Variants in UGGT2 observed in about 807,000 individuals in gnomAD.
UGGT2 encodes the protein UDP-glucose:glycoprotein glucosyltransferase 2.
UGGT2 carries 180 observed loss-of-function variants against 192.1 expected under a neutral mutation model. The observed-to-expected ratio is 0.94, with a 90% CI of 0.83 to 1.06. The LOEUF (loss-of-function observed/expected upper bound fraction) is 1.06. Ranked by LOEUF, UGGT2 falls within the 50% of genes least tolerant of loss-of-function variation. The pLI, the probability that UGGT2 is intolerant of heterozygous loss-of-function variation, is 0.00. For synonymous variants in UGGT2, 580 were observed against 591.0 expected, an observed-to-expected ratio of 0.98 and a Z score of 0.27; for missense variants, 1,849 against 1,795.7, an observed-to-expected ratio of 1.03 and a Z score of -0.54.
At chr13:95,931,809 C>T (rs1262437951) in intron 17 of UGGT2, among the ~76,000 whole-genome samples, 12 of 152,114 alleles carry the variant, frequency 7.9e-5, no homozygotes, top group South Asian at 6.2e-4. Context: ...GGTTCCCGCC[C>T]GCGCCTCTCC....
At chr13:95,845,284 G>C (rs1300766669) in intron 36 of UGGT2, among the ~76,000 whole-genome samples, 1 of 150,750 alleles carries the variant, frequency 6.6e-6, no homozygotes, top group East Asian at 2.0e-4. Context: ...ATAAACTTGT[G>C]AACAAAGGTC....
chr13:95,907,232 G>C (rs1458265074), intron 20 of UGGT2, among the ~76,000 whole-genome samples: 1 of 152,246 alleles, frequency 6.6e-6, no homozygotes, highest in Non-Finnish European at 1.5e-5. Context: ...GCTGAGGCTT[G>C]AGTACGTAAA....
intron 38 of UGGT2, among the ~76,000 whole-genome samples, chr13:95,806,050 A>AAAC (rs1340799672): frequency 6.6e-6 from 1 of 151,424 alleles, no homozygotes; most frequent in African/African-American, 2.4e-5. Context: ...AAAAAAAAAA[A>AAAC]AACACACAGT....
chr13:95,830,243 C>A (rs537565744), intron 38 of UGGT2, among the ~76,000 whole-genome samples: 1 of 152,230 alleles, frequency 6.6e-6, no homozygotes, highest in South Asian at 2.1e-4. Flanking sequence ...GACTAAAACA[C>A]CAAAAGCAAT....
At chr13:96,015,334 G>T (rs909019927) in intron 4 of UGGT2, among the ~76,000 whole-genome samples, 3 of 150,966 alleles carry the variant, frequency 2.0e-5, no homozygotes, top group Non-Finnish European at 4.4e-5. Context: ...TATGCTAGGA[G>T]ATAAATATTG....
At chr13:96,053,022 T>TCA (rs1361036645) in intron 1 of UGGT2, 133 bp downstream of exon 1, 7 of 1,243,290 alleles carry the variant, frequency 5.6e-6, no homozygotes, top group Non-Finnish European at 7.3e-6. Flanking sequence ...GAGGTGGTGA[T>TCA]GCTCAGGGCC....
At chr13:95,875,570 T>C (rs538203770) in intron 29 of UGGT2, among the ~76,000 whole-genome samples, 1 of 152,338 alleles carries the variant, frequency 6.6e-6, no homozygotes, top group South Asian at 2.1e-4. Flanking sequence ...AAAACACATA[T>C]GGCCCTAAGA....
intron 20 of UGGT2, among the ~76,000 whole-genome samples, chr13:95,915,423 A>C (rs979452798): frequency 6.6e-6 from 1 of 152,224 alleles, no homozygotes; most frequent in Non-Finnish European, 1.5e-5. Flanking sequence ...ACCCCTGCTA[A>C]AATTTAACCT....
At chr13:95,992,320 T>G (rs528611847) in intron 7 of UGGT2, among the ~76,000 whole-genome samples, 1 of 152,222 alleles carries the variant, frequency 6.6e-6, no homozygotes, top group African/African-American at 2.4e-5. Context: ...TTCCAATCCA[T>G]GAGCATGGAA....
chr13:95,810,921 AAC>A (rs923100792), intron 38 of UGGT2, among the ~76,000 whole-genome samples: 1 of 152,198 alleles, frequency 6.6e-6, no homozygotes, highest in Non-Finnish European at 1.5e-5. Flanking sequence ...ACAAAAAGAA[AAC>A]ACAATTCAAA....
intron 10 of UGGT2, among the ~76,000 whole-genome samples, chr13:95,976,459 T>C: frequency 6.6e-6 from 1 of 152,170 alleles, no homozygotes; most frequent in Non-Finnish European, 1.5e-5. Flanking sequence ...CTGGATCATA[T>C]GGTAATTCTA....
intron 36 of UGGT2, among the ~76,000 whole-genome samples, chr13:95,843,897 T>C (rs918180553): frequency 1.3e-5 from 2 of 152,130 alleles, no homozygotes; most frequent in African/African-American, 4.8e-5. Flanking sequence ...AACAAGGTGG[T>C]ATAAGTCCTT....
At chr13:95,957,357 C>T (rs1050209553) in intron 12 of UGGT2, among the ~76,000 whole-genome samples, 7 of 152,162 alleles carry the variant, frequency 4.6e-5, no homozygotes, top group Non-Finnish European at 8.8e-5. Context: ...GTGACAATCT[C>T]GTGGGAACAC....
At chr13:95,824,829 T>G (rs994563726) in intron 38 of UGGT2, among the ~76,000 whole-genome samples, 2 of 152,186 alleles carry the variant, frequency 1.3e-5, no homozygotes, top group East Asian at 1.9e-4. Flanking sequence ...TGATCTTTTT[T>G]GGGGGTGTTA....
At chr13:95,870,683 T>C (rs887566588) in intron 29 of UGGT2, among the ~76,000 whole-genome samples, 3 of 152,188 alleles carry the variant, frequency 2.0e-5, no homozygotes, top group African/African-American at 7.2e-5. Context: ...CCCAATACGA[T>C]GTAAAAGCAT....
At chr13:95,900,512 T>C (rs138290278) in intron 22 of UGGT2, among the ~76,000 whole-genome samples, 121 of 152,302 alleles carry the variant, frequency 7.9e-4, no homozygotes, top group African/African-American at 2.8e-3. Flanking sequence ...GTTTTGAAGA[T>C]GTGCATTAAG....
chr13:95,950,276 C>T (rs1055632618), intron 12 of UGGT2, among the ~76,000 whole-genome samples: 3 of 152,022 alleles, frequency 2.0e-5, no homozygotes, highest in Non-Finnish European at 4.4e-5. Flanking sequence ...GAAAGAGAAA[C>T]GGAGAGGTTG....
Position 95,853,601 on chromosome 13 carries a change from A to G in UGGT2, c.4226T>C (p.Leu1409Pro). 6.2e-7 allele frequency: 1 copy of G among 1,605,416 alleles called. No individual in the cohort carries two copies. The highest frequency in any genetic ancestry group is 8.5e-7 in the Non-Finnish European group (1 of 1,177,584). The change falls in exon 36 of 39, where the codon CTC becomes CCC. Residue 1409 changes from leucine to proline, a missense_variant. Leu to Pro is a moderately conservative substitution (Grantham distance 98, BLOSUM62 -3). Coordinates refer to ENST00000376747, the MANE Select transcript of UGGT2 (RefSeq NM_020121.4). ...KFRRIGAGDR[L>P]RSQYQALSQD... The stretch of plus-strand genomic sequence containing the variant: ...ACTGAGAGCTTGATACTGGCTCCTG[A>G]GCCTGTCACCTGCTCCAATTCTCCT...
chr13:95,869,917 T>TA (rs879391481), intron 29 of UGGT2, among the ~76,000 whole-genome samples: 16 of 152,208 alleles, frequency 1.1e-4, no homozygotes, highest in Admixed American at 4.6e-4. Flanking sequence ...CATGATTAAT[T>TA]AAAAAAAGCA....
Sources: gnomAD v4.1 joint callset for allele counts (sites outside exome capture counted in the v4.1 genomes callset) on GRCh38, gnomAD v4.1.1 for gene constraint, MANE v1.5 for transcripts, NCBI Gene and HGNC (gene_info 2026-07-23, HGNC 2026-07-21) for gene names.